STARD8: variants seen among roughly 807,000 people sequenced by gnomAD.
The protein encoded by STARD8 is stAR-related lipid transfer protein 8.
STARD8 carries 25 observed loss-of-function variants against 69.4 expected under a neutral mutation model. That is an observed-to-expected ratio of 0.36 (90% CI 0.26 to 0.50). The LOEUF (loss-of-function observed/expected upper bound fraction) is 0.50, where lower values mean the gene tolerates loss of function less well. STARD8 is among the 20% of genes least tolerant of loss of function. The pLI is 0.96. For missense variants in STARD8, 921 were observed against 932.5 expected, an observed-to-expected ratio of 0.99 and a Z score of 0.16; for synonymous variants, 389 against 374.6, an observed-to-expected ratio of 1.04 and a Z score of -0.45.
chrX:68,724,344 C>A lies in STARD8; in HGVS notation c.3234C>A (p.His1078Gln), dbSNP rs781723215. ...SPDWYNKVFG[H>Q]LCAMEVAKIR... is the part of the protein sequence containing the mutation. ...ACTGGTACAACAAAGTCTTTGGACA[C>A]CTGTGTGCCATGGAAGTGGCAAAGA... is the stretch of plus-strand genomic sequence containing the variant. The change falls in exon 15 of 15, where the codon CAC (histidine) becomes CAA (glutamine). Residue 1078 changes from histidine (H) to glutamine (Q), a missense_variant. His to Gln is a conservative substitution (Grantham distance 24, BLOSUM62 0). Coordinates refer to ENST00000374599, the MANE Select transcript of STARD8 (RefSeq NM_001142503.3). 1 of 1,208,322 alleles carries A rather than the reference C, an allele frequency of 8.3e-7. No homozygotes were observed. The highest frequency in any genetic ancestry group is 2.2e-5 in the Admixed American group (1 of 45,770).
chrX:68,711,228 A>G (rs2080047688), intron 2 of STARD8, among the ~76,000 whole-genome samples: 1 of 110,330 alleles, frequency 9.1e-6, no homozygotes, highest in South Asian at 3.9e-4. Context: ...GCATGCACAC[A>G]CACACACACA....
chrX:68,707,532 C>G (rs1432960911), intron 2 of STARD8, among the ~76,000 whole-genome samples: 1 of 111,629 alleles, frequency 9.0e-6, no homozygotes, highest in East Asian at 2.8e-4. Flanking sequence ...AACAAACAAA[C>G]AAAAATGAAC....
At chrX:68,702,392 C>T (rs749568772) in intron 2 of STARD8, among the ~76,000 whole-genome samples, 4 of 112,092 alleles carry the variant, frequency 3.6e-5, no homozygotes, top group Non-Finnish European at 5.6e-5. Flanking sequence ...TGACCTATTG[C>T]AGCCTCAGTT....
At chrX:68,663,929 TC>T (rs2079666449) in intron 1 of STARD8, among the ~76,000 whole-genome samples, 1 of 111,731 alleles carries the variant, frequency 9.0e-6, no homozygotes, top group Non-Finnish European at 1.9e-5. Context: ...CGGGAGGACA[TC>T]CCCCATCCCT....
chrX:68,651,803 A>G (rs930264814), intron 1 of STARD8, among the ~76,000 whole-genome samples: 1 of 108,881 alleles, frequency 9.2e-6, no homozygotes, highest in East Asian at 2.9e-4. Flanking sequence ...GCAGAATGAC[A>G]CTAATCAGTG....
At position 68,724,132 on chromosome X, in the gene STARD8, TG is replaced by T; in HGVS notation, c.3194+14del. 8.3e-7 allele frequency: 1 copy of T among 1,204,750 alleles called. No individual in the cohort carries two copies. Among genetic ancestry groups the T allele is most frequent in the Non-Finnish European group, 1.1e-6 (1 of 891,356 alleles). ...CCGGGCTGACCTCAGGTATCAGGCC[TG>T]GGACAGCCTGCTCGACCCCCTTGGC... On this transcript the variant is annotated intron_variant, in intron 14 of 14. Coordinates refer to ENST00000374599, the MANE Select transcript of STARD8 (RefSeq NM_001142503.3).
At chrX:68,686,102 G>A (rs12353712) in intron 2 of STARD8, among the ~76,000 whole-genome samples, 20,019 of 111,378 alleles carry the variant, frequency 0.18, 3,387 homozygotes, top group African/African-American at 0.54. Flanking sequence ...ATCAGTGGAG[G>A]GAAAACTCGC....
intron 2 of STARD8, among the ~76,000 whole-genome samples, 192 bp downstream of exon 2, chrX:68,665,724 G>A (rs2079679462): frequency 8.9e-6 from 1 of 112,253 alleles, no homozygotes; most frequent in Non-Finnish European, 1.9e-5. Context: ...TGGCTCACGT[G>A]CAGAGCCTCT....
intron 11 of STARD8, 104 bp downstream of exon 11, chrX:68,722,265 C>G: frequency 1.2e-6 from 1 of 847,391 alleles, no homozygotes; most frequent in Admixed American, 3.1e-5. Context: ...TGACACATAC[C>G]CCTCAAGCTT....
At chrX:68,720,172 AC>A (rs2080134307) in intron 7 of STARD8, 91 bp from the exon 8 acceptor site, 7 of 1,004,937 alleles carry the variant, frequency 7.0e-6, no homozygotes, top group East Asian at 3.6e-5. Context: ...TGTGTGCCTT[AC>A]CCCCCTCACC....
chrX:68,662,528 T>C (rs960376190), intron 1 of STARD8, among the ~76,000 whole-genome samples: 1 of 111,775 alleles, frequency 8.9e-6, no homozygotes, highest in Non-Finnish European at 1.9e-5. Context: ...TTTCCCACTC[T>C]CTGTCTGGCA....
intron 2 of STARD8, among the ~76,000 whole-genome samples, chrX:68,688,539 C>A (rs974534640): frequency 9.0e-5 from 10 of 111,208 alleles, no homozygotes; most frequent in African/African-American, 3.0e-4. Flanking sequence ...CTTTCTGCTT[C>A]CCCGGCTCCT....
At chrX:68,723,262 G>A (rs2080167443) in intron 12 of STARD8, among the ~76,000 whole-genome samples, 1 of 112,729 alleles carries the variant, frequency 8.9e-6, no homozygotes, top group Admixed American at 9.3e-5. Context: ...GGTTCTGTAA[G>A]TGGCAGCTTT....
At chrX:68,709,735 A>T (rs1049877973) in intron 2 of STARD8, among the ~76,000 whole-genome samples, 1 of 110,986 alleles carries the variant, frequency 9.0e-6, no homozygotes, top group African/African-American at 3.3e-5. Flanking sequence ...AGATGGGAGG[A>T]TCACACAAAC....
At chrX:68,677,854 A>G (rs2079776113) in intron 2 of STARD8, among the ~76,000 whole-genome samples, 1 of 73,370 alleles carries the variant, frequency 1.4e-5, no homozygotes, top group South Asian at 1.1e-3. Context: ...CCCCCAATGT[A>G]TGATACATAT....
rs1345979459 is a variant in STARD8, at chrX:68,721,755, G to A, written c.2459+9G>A. The A allele has an allele frequency of 8.3e-7, 1 of 1,202,016 alleles. No homozygotes were observed. Among genetic ancestry groups the A allele is most frequent in the East Asian group, 3.0e-5 (1 of 33,639 alleles). On this transcript the variant is annotated intron_variant, in intron 10 of 14. Transcript: ENST00000374599. ...GATAGCCCCTCTCCCAGGTGAAATG[G>A]TGCACGGCATGTCAGGGCCGGGCTG...
intron 2 of STARD8, among the ~76,000 whole-genome samples, chrX:68,668,218 T>C (rs1338941920): frequency 9.7e-6 from 1 of 103,621 alleles, no homozygotes; most frequent in African/African-American, 3.5e-5. Flanking sequence ...CTCCTCCTTC[T>C]TCTTTCTCTT....
At chrX:68,657,179 C>T (rs1263327694) in intron 1 of STARD8, among the ~76,000 whole-genome samples, 1 of 111,425 alleles carries the variant, frequency 9.0e-6, no homozygotes, top group East Asian at 2.8e-4. Flanking sequence ...ATTATTTGTA[C>T]ACTGGGGAGA....
intron 1 of STARD8, among the ~76,000 whole-genome samples, chrX:68,652,948 CACA>C: frequency 1.5e-4 from 2 of 13,177 alleles, no homozygotes; most frequent in African/African-American, 4.7e-4. Context: ...ACACACACAC[CACA>C]CCACACACAC....
Sources: allele counts gnomAD v4.1 joint callset (sites outside exome capture counted in the v4.1 genomes callset), GRCh38; gene constraint gnomAD v4.1.1; transcripts MANE v1.5; gene names NCBI Gene and HGNC (gene_info 2026-07-23, HGNC 2026-07-21).